NAALADL2: variants seen among roughly 807,000 people sequenced by gnomAD.
NAALADL2 encodes the protein N-acetylated alpha-linked acidic dipeptidase like 2, also known as inactive N-acetylated-alpha-linked acidic dipeptidase-like protein 2.
A neutral mutation model predicts 87.2 loss-of-function variants in NAALADL2; 76 were observed. The ratio of observed to expected loss-of-function variants is 0.87; its 90% CI spans 0.72 to 1.05. The LOEUF is 1.05. Among genes scored for constraint, NAALADL2 ranks in the 50% least tolerant of loss-of-function variants. NAALADL2 has a pLI of 0.00. For synonymous variants in NAALADL2, 354 were observed against 331.0 expected (o/e 1.07, Z -0.75); for missense variants, 1,089 against 945.8 (o/e 1.15, Z -1.99).
chr3:174,768,075 G>A (rs914016485), intron 3 of NAALADL2, among the ~76,000 whole-genome samples: 1 of 152,156 alleles, frequency 6.6e-6, no homozygotes, highest in Non-Finnish European at 1.5e-5. Context: ...AGTCACCCAA[G>A]CAAGTTGGTG....
At chr3:175,171,442 A>G (rs939012317) in intron 2 of NAALADL2, among the ~76,000 whole-genome samples, 17 of 152,096 alleles carry the variant, frequency 1.1e-4, no homozygotes, top group African/African-American at 3.9e-4. Flanking sequence ...AGTTGTGTGT[A>G]TAATATATTC....
intron 5 of NAALADL2, among the ~76,000 whole-genome samples, chr3:175,421,757 G>A (rs528880620): frequency 1.3e-5 from 2 of 152,164 alleles, no homozygotes; most frequent in African/African-American, 2.4e-5. Context: ...CTAAAGCAGA[G>A]TAAGGGAATA....
At chr3:174,783,738 G>A (rs1716276380) in intron 3 of NAALADL2, among the ~76,000 whole-genome samples, 1 of 152,122 alleles carries the variant, frequency 6.6e-6, no homozygotes, top group Non-Finnish European at 1.5e-5. Context: ...ATTGTTGCTT[G>A]AGTCTTGTGC....
intron 1 of NAALADL2, among the ~76,000 whole-genome samples, chr3:174,453,340 A>G (rs1261020086): frequency 6.6e-6 from 1 of 152,064 alleles, no homozygotes; most frequent in Admixed American, 6.6e-5. Flanking sequence ...GGGAGTATGG[A>G]AGCAACTTGG....
intron 5 of NAALADL2, among the ~76,000 whole-genome samples, chr3:175,331,648 A>G (rs1761411182): frequency 6.6e-6 from 1 of 152,238 alleles, no homozygotes; most frequent in African/African-American, 2.4e-5. Context: ...CCCATACTTA[A>G]TACCATACTA....
Position 175,247,556 on chromosome 3 carries a change from G to A in NAALADL2, c.820-8855G>A, listed in dbSNP as rs193174375. On this transcript the variant is annotated intron_variant, in intron 3 of 13. Transcript: ENST00000454872. ...AACAGCTAAATCCAAGACCCTATGG[G>A]ACATATACAACTCCAGCTAGTCGCT... Among the ~76,000 whole-genome samples, 6 of 136,510 alleles carry A rather than the reference G, an allele frequency of 4.4e-5. No individual in the cohort carries two copies. In the East Asian group the frequency reaches 1.4e-3, roughly 31 times the overall value. The allele number at this position is 136,510 out of a possible 152,430, so 89.6% of individuals were successfully genotyped here. A position where few individuals can be genotyped will look rare whatever the true frequency, so the allele number is the denominator to read the frequency against.
chr3:174,968,764 A>C (rs1407938162), intron 1 of NAALADL2, among the ~76,000 whole-genome samples: 1 of 152,196 alleles, frequency 6.6e-6, no homozygotes, highest in Non-Finnish European at 1.5e-5. Flanking sequence ...GATGTGAGCC[A>C]CTGCGCCCAG....
intron 2 of NAALADL2, among the ~76,000 whole-genome samples, chr3:175,175,254 C>A (rs919910154): frequency 2.0e-5 from 3 of 151,896 alleles, no homozygotes; most frequent in African/African-American, 7.2e-5. Context: ...GAAGAGAAAA[C>A]TTTTTAACAT....
intron 2 of NAALADL2, among the ~76,000 whole-genome samples, chr3:174,695,405 T>TA (rs1728931327): frequency 6.6e-6 from 1 of 152,006 alleles, no homozygotes; most frequent in South Asian, 2.1e-4. Flanking sequence ...TCCTGAACCA[T>TA]AGACATAAGA....
chr3:175,057,464 A>C (rs1005208315), intron 1 of NAALADL2, among the ~76,000 whole-genome samples: 4 of 152,184 alleles, frequency 2.6e-5, no homozygotes, highest in African/African-American at 9.7e-5. Flanking sequence ...AGCATCTTAG[A>C]AAGTTACAGT....
chr3:174,733,118 T>C (rs1732858029), intron 2 of NAALADL2, among the ~76,000 whole-genome samples: 1 of 152,180 alleles, frequency 6.6e-6, no homozygotes, highest in African/African-American at 2.4e-5. Context: ...TTGGAGTTTA[T>C]TATGAAATAT....
At chr3:175,172,767 G>C (rs1459401139) in intron 2 of NAALADL2, among the ~76,000 whole-genome samples, 1 of 152,126 alleles carries the variant, frequency 6.6e-6, no homozygotes, top group Non-Finnish European at 1.5e-5. Flanking sequence ...GAGGCAGTGA[G>C]TTCTAAATGG....
intron 2 of NAALADL2, among the ~76,000 whole-genome samples, chr3:174,693,757 T>C (rs1189149373): frequency 1.3e-5 from 2 of 152,124 alleles, no homozygotes; most frequent in African/African-American, 2.4e-5. Flanking sequence ...TAAAAGTTAA[T>C]GTGGCATGGA....
Position 175,779,079 on chromosome 3 carries a change from A to G in NAALADL2, c.2189+23661A>G, listed in dbSNP as rs527976734. Among the ~76,000 whole-genome samples the G allele has an allele frequency of 8.5e-5, 13 of 152,288 alleles. 1 individual carries two copies. The highest frequency in any genetic ancestry group is 2.4e-4 in the African/African-American group (10 of 41,568). On this transcript the variant is annotated intron_variant, in intron 13 of 13. Transcript: ENST00000454872. The stretch of plus-strand genomic sequence containing the variant: ...CAGAGGGGTGTGGGCTAGGGCAGTT[A>G]GTTGTGGAAAAGTGACTAGGAAGAT...
chr3:175,756,096 A>G (rs1349656588), intron 13 of NAALADL2, among the ~76,000 whole-genome samples: 1 of 152,178 alleles, frequency 6.6e-6, no homozygotes, highest in Non-Finnish European at 1.5e-5. Context: ...TCATAAAACC[A>G]CGTCATTAAA....
intron 11 of NAALADL2, among the ~76,000 whole-genome samples, chr3:175,733,457 G>C (rs553585383): frequency 6.6e-6 from 1 of 152,070 alleles, no homozygotes; most frequent in African/African-American, 2.4e-5. Context: ...GGAAAGACCC[G>C]CTCCCATGAT....
chr3:174,469,686 C>G (rs1214736518), intron 1 of NAALADL2, among the ~76,000 whole-genome samples: 1 of 151,588 alleles, frequency 6.6e-6, no homozygotes, highest in Non-Finnish European at 1.5e-5. Flanking sequence ...CGCCTTGGCC[C>G]CACAAAATGC....
chr3:174,620,063 T>C (rs1330998753), intron 2 of NAALADL2, among the ~76,000 whole-genome samples: 4 of 151,954 alleles, frequency 2.6e-5, no homozygotes, highest in East Asian at 1.9e-4. Flanking sequence ...GTCAACACTT[T>C]ATATTACAAA....
intron 1 of NAALADL2, among the ~76,000 whole-genome samples, chr3:174,447,324 A>G (rs79567133): frequency 0.02 from 3,106 of 152,246 alleles, 105 homozygotes; most frequent in African/African-American, 0.062. Context: ...GGAGCTGGAA[A>G]ACAAGATGAT....
Sources: allele counts gnomAD v4.1 joint callset (sites outside exome capture counted in the v4.1 genomes callset), GRCh38; gene constraint gnomAD v4.1.1; transcripts MANE v1.5; gene names NCBI Gene and HGNC (gene_info 2026-07-23, HGNC 2026-07-21).